The following SLC2A9 variants were observed in gnomAD, a reference collection of about 807,000 sequenced individuals.
The protein encoded by SLC2A9 is solute carrier family 2, facilitated glucose transporter member 9.
In SLC2A9, 39 loss-of-function variants were observed where a neutral mutation model predicts 50.6. The ratio of observed to expected loss-of-function variants is 0.77; its 90% CI spans 0.60 to 1.01. The LOEUF is 1.01. Among genes scored for constraint, SLC2A9 ranks in the 50% least tolerant of loss-of-function variants. The probability of loss-of-function intolerance (pLI) is 0.00; values close to 1 mark genes in which losing one functional copy is unlikely to be tolerated. For synonymous variants in SLC2A9, 324 were observed against 276.9 expected (o/e 1.17, Z -1.69); for missense variants, 686 against 677.6 (o/e 1.01, Z -0.14).
At chr4:9,775,980 A>G (rs1372540443), downstream of SLC2A9, among the ~76,000 whole-genome samples, 2 of 151,996 alleles carry the variant, frequency 1.3e-5, no homozygotes, top group African/African-American at 4.8e-5. Context: ...GATGTTCCTA[A>G]GGCTCAGATC....
intron 8 of SLC2A9, among the ~76,000 whole-genome samples, chr4:9,901,083 A>AT (rs1739525629): frequency 6.6e-6 from 1 of 152,174 alleles, no homozygotes. Context: ...ATGAAAAGCC[A>AT]TTTAGCCTGA....
intron 5 of SLC2A9, among the ~76,000 whole-genome samples, chr4:9,959,465 T>C: frequency 6.6e-6 from 1 of 151,534 alleles, no homozygotes; most frequent in East Asian, 1.9e-4. Flanking sequence ...CATCAATGGA[T>C]AATATCTAAA....
At chr4:9,804,433 T>C (rs1391536511) in intron 3 of SLC2A9, among the ~76,000 whole-genome samples, 1 of 151,432 alleles carries the variant, frequency 6.6e-6, no homozygotes, top group Non-Finnish European at 1.5e-5. Flanking sequence ...CCATGGGCTG[T>C]TCAGCTGAGC....
intron 3 of SLC2A9, chr4:9,783,652 A>T: frequency 1.6e-6 from 1 of 620,700 alleles, no homozygotes. Flanking sequence ...CAGTTGCAAT[A>T]AACTCAGTCA....
At chr4:9,783,502 CACAG>C (rs1718808681) in intron 3 of SLC2A9, 2 of 1,545,744 alleles carry the variant, frequency 1.3e-6, no homozygotes, top group Non-Finnish European at 1.8e-6. Context: ...TGCATAACCG[CACAG>C]ACATTGACAA....
intron 10 of SLC2A9, among the ~76,000 whole-genome samples, chr4:9,884,853 G>C (rs1170461794): frequency 6.6e-6 from 1 of 152,168 alleles, no homozygotes; most frequent in Non-Finnish European, 1.5e-5. Context: ...GAAGGAACAA[G>C]ATCATGTCCT....
At chr4:9,881,779 A>G (rs1735259553) in intron 10 of SLC2A9, among the ~76,000 whole-genome samples, 1 of 152,214 alleles carries the variant, frequency 6.6e-6, no homozygotes, top group South Asian at 2.1e-4. Context: ...AACCATGACT[A>G]GGACTTAAGC....
chr4:9,920,625 G>C (rs1743766043), intron 6 of SLC2A9, 53 bp from the exon 7 acceptor site: 1 of 1,599,230 alleles, frequency 6.3e-7, no homozygotes, highest in Non-Finnish European at 8.6e-7. Context: ...TGTCCATCAT[G>C]TCTAATGCTG....
rs539105347 is a variant in SLC2A9, at chr4:9,773,088, A to T, written n.182-1719T>A. On this transcript the variant is annotated intron_variant and non_coding_transcript_variant, in intron 1 of 1. Coordinates refer to the SLC2A9 transcript ENST00000508585. Reference sequence around the variant, plus strand: ...AGAGTGCTGCCTTTCAAAGGTGGCAAGCTCCTGAGTTAGCCATTTTAACCT... The same window carrying T: ...AGAGTGCTGCCTTTCAAAGGTGGCATGCTCCTGAGTTAGCCATTTTAACCT... 1.1e-4 allele frequency among the ~76,000 whole-genome samples: 16 copies of T among 152,304 alleles called. No individual in the cohort carries two copies. In the East Asian group the frequency reaches 3.1e-3, roughly 29 times the overall value.
intron 3 of SLC2A9, among the ~76,000 whole-genome samples, chr4:9,816,942 C>T (rs983072184): frequency 6.6e-6 from 1 of 152,154 alleles, no homozygotes; most frequent in African/African-American, 2.4e-5. Context: ...AGACGCAACA[C>T]CTTGGAATCT....
chr4:9,779,669 C>T (rs1488554232), downstream of SLC2A9: 1 of 152,258 alleles, frequency 6.6e-6, no homozygotes, highest in East Asian at 1.9e-4. Flanking sequence ...CCACCTCGGC[C>T]TCCCAAAGTG....
chr4:10,018,040 T>TGGTA (rs903556166), intron 2 of SLC2A9, among the ~76,000 whole-genome samples: 2 of 151,974 alleles, frequency 1.3e-5, no homozygotes, highest in African/African-American at 4.8e-5. Flanking sequence ...CTGTGGGTGG[T>TGGTA]GGTAGGTCAA....
chr4:9,848,206 G>A (rs1729281143), intron 10 of SLC2A9, among the ~76,000 whole-genome samples: 1 of 152,184 alleles, frequency 6.6e-6, no homozygotes, highest in African/African-American at 2.4e-5. Context: ...AGGCACACAA[G>A]GATATGGGTA....
At chr4:9,869,890 G>A (rs190972353) in intron 10 of SLC2A9, among the ~76,000 whole-genome samples, 4 of 152,378 alleles carry the variant, frequency 2.6e-5, no homozygotes, top group Admixed American at 1.3e-4. Context: ...ATCCTGGAGT[G>A]TGCAAATATT....
rs116693963 is a variant in SLC2A9, at chr4:9,974,248, C to T, written c.681+6344G>A. On this transcript the variant is annotated intron_variant, in intron 5 of 11. Coordinates refer to ENST00000264784, the MANE Select transcript of SLC2A9 (RefSeq NM_020041.3). The stretch of plus-strand genomic sequence containing the variant: ...AACAAGACAAGGTGCCCACTCTCAC[C>T]ACTCCTATTCAGCATAGCAATAAAG... 9.5e-3 allele frequency among the ~76,000 whole-genome samples: 1,444 copies of T among 152,248 alleles called. 27 individuals carry two copies. The highest frequency in any genetic ancestry group is 0.033 in the African/African-American group (1,389 of 41,528).
intron 8 of SLC2A9, among the ~76,000 whole-genome samples, chr4:9,891,434 CT>C: frequency 6.6e-6 from 1 of 152,328 alleles, no homozygotes; most frequent in Non-Finnish European, 1.5e-5. Context: ...GATGCACGAA[CT>C]TTGGCATGTC....
chr4:9,799,684 C>A (rs1466481700), intron 3 of SLC2A9, among the ~76,000 whole-genome samples: 3 of 96,362 alleles, frequency 3.1e-5, no homozygotes, highest in Non-Finnish European at 5.8e-5. Flanking sequence ...GAGCTCCATT[C>A]CAATTGTACC....
In SLC2A9 at chr4:10,021,346, C is replaced by T. The variant is rs978208661; in HGVS notation, c.84G>A (p.Gly28=). 3 of 1,614,238 alleles carry T rather than the reference C, an allele frequency of 1.9e-6. No individual in the cohort carries two copies. The highest frequency in any genetic ancestry group is 3.3e-4 in the Middle Eastern group (2 of 6,042). ...TDDTSHAGPP[G]PGRALLECDH... ...CACACTCCAGCAGTGCCCTCCCTGG[C>T]CCTGGAGGCCCGGCGTGGCTGGTGT... Residue 28 remains glycine, a synonymous_variant, in exon 1 of 12, where the codon GGG becomes GGA. Coordinates refer to ENST00000264784, the MANE Select transcript of SLC2A9 (RefSeq NM_020041.3).
At chr4:9,914,765 G>A (rs944460090) in intron 7 of SLC2A9, among the ~76,000 whole-genome samples, 1 of 152,098 alleles carries the variant, frequency 6.6e-6, no homozygotes, top group African/African-American at 2.4e-5. Context: ...TATCCTTAGA[G>A]CACATGTGAG....
Sources: gnomAD v4.1 joint callset for allele counts (sites outside exome capture counted in the v4.1 genomes callset) on GRCh38, gnomAD v4.1.1 for gene constraint, MANE v1.5 for transcripts, NCBI Gene and HGNC (gene_info 2026-07-23, HGNC 2026-07-21) for gene names.